The following MYO3A variants were observed in gnomAD, a reference collection of about 807,000 sequenced individuals.
The protein encoded by MYO3A is myosin-IIIa.
A neutral mutation model predicts 192.7 loss-of-function variants in MYO3A; 180 were observed. That is an observed-to-expected ratio of 0.93 (90% CI 0.83 to 1.06). The LOEUF (loss-of-function observed/expected upper bound fraction) is 1.06, where lower values mean the gene tolerates loss of function less well. MYO3A is among the 50% of genes least tolerant of loss of function. MYO3A has a pLI of 0.00. For synonymous variants in MYO3A, 628 were observed against 645.3 expected (o/e 0.97, Z 0.41); for missense variants, 1,896 against 1,905.0 (o/e 1.00, Z 0.09).
chr10:26,040,188 T>A (rs1393242916), intron 10 of MYO3A, among the ~76,000 whole-genome samples: 1 of 151,978 alleles, frequency 6.6e-6, no homozygotes, highest in East Asian at 1.9e-4. Flanking sequence ...TTTTTTTAAG[T>A]ACAGCTTGCT....
intron 17 of MYO3A, among the ~76,000 whole-genome samples, chr10:26,106,778 G>A (rs1181091817): frequency 6.6e-6 from 1 of 151,970 alleles, no homozygotes; most frequent in Non-Finnish European, 1.5e-5. Context: ...TTATTCTGTT[G>A]ATAGATTTCT....
At chr10:26,189,123 T>C (rs1366922835) in intron 31 of MYO3A, among the ~76,000 whole-genome samples, 1 of 152,206 alleles carries the variant, frequency 6.6e-6, no homozygotes, top group South Asian at 2.1e-4. Flanking sequence ...GAACATTTCA[T>C]GCTCATGGGT....
At chr10:25,986,827 A>C (rs2130830272) in intron 4 of MYO3A, among the ~76,000 whole-genome samples, 1 of 152,290 alleles carries the variant, frequency 6.6e-6, no homozygotes, top group East Asian at 1.9e-4. Context: ...CCATCAAAAT[A>C]CCACAATCAT....
At chr10:26,110,538 G>A (rs1399488337) in intron 17 of MYO3A, among the ~76,000 whole-genome samples, 1 of 152,170 alleles carries the variant, frequency 6.6e-6, no homozygotes, top group Non-Finnish European at 1.5e-5. Context: ...TTGTCAGGAT[G>A]TCTGGAATGA....
At chr10:26,051,737 G>A (rs188101082) in intron 10 of MYO3A, among the ~76,000 whole-genome samples, 10 of 151,992 alleles carry the variant, frequency 6.6e-5, no homozygotes, top group African/African-American at 2.4e-4. Context: ...AGCAGTTAAT[G>A]GCTCATAGGT....
intron 14 of MYO3A, among the ~76,000 whole-genome samples, chr10:26,070,779 T>A (rs191157493): frequency 5.1e-4 from 78 of 152,190 alleles, no homozygotes; most frequent in African/African-American, 1.8e-3. Flanking sequence ...AATGGTCAAT[T>A]GCAAATTGAA....
chr10:26,106,553 A>G (rs1015739476), intron 17 of MYO3A, among the ~76,000 whole-genome samples: 1 of 152,120 alleles, frequency 6.6e-6, no homozygotes, highest in East Asian at 1.9e-4. Context: ...TTAAGTAATA[A>G]TGATTATAGT....
chr10:26,055,776 G>A (rs1844278281), intron 10 of MYO3A, among the ~76,000 whole-genome samples: 1 of 152,198 alleles, frequency 6.6e-6, no homozygotes, highest in Non-Finnish European at 1.5e-5. Flanking sequence ...GGAGGAGACT[G>A]AGGCACTTGT....
At chr10:26,121,362 C>A (rs1838847886) in intron 18 of MYO3A, among the ~76,000 whole-genome samples, 1 of 151,998 alleles carries the variant, frequency 6.6e-6, no homozygotes, top group Admixed American at 6.6e-5. Context: ...CAGCTTTTTT[C>A]TATTTAGTGT....
chr10:26,120,549 G>A (rs1040416166), intron 17 of MYO3A, 127 bp from the exon 18 acceptor site: 24 of 1,243,488 alleles, frequency 1.9e-5, no homozygotes, highest in African/African-American at 1.0e-4. Context: ...TCAGTGTGGC[G>A]TCATCATAGT....
chr10:25,988,396 A>T (rs969838486), intron 4 of MYO3A, among the ~76,000 whole-genome samples: 5 of 152,268 alleles, frequency 3.3e-5, no homozygotes, highest in African/African-American at 4.8e-5. Context: ...TAAAATAAAA[A>T]AATAGAATGG....
At chr10:26,089,766 C>T (rs1836580573) in intron 15 of MYO3A, among the ~76,000 whole-genome samples, 1 of 152,086 alleles carries the variant, frequency 6.6e-6, no homozygotes, top group African/African-American at 2.4e-5. Flanking sequence ...TTTACTTAAC[C>T]TCTCTGCACC....
At chr10:26,202,352 G>C (rs1406996974) in intron 33 of MYO3A, among the ~76,000 whole-genome samples, 2 of 152,162 alleles carry the variant, frequency 1.3e-5, no homozygotes, top group Non-Finnish European at 2.9e-5. Context: ...TTATCTCTTA[G>C]GAAGTCCCAG....
intron 4 of MYO3A, among the ~76,000 whole-genome samples, chr10:25,981,885 A>C (rs1839350704): frequency 6.6e-6 from 1 of 152,202 alleles, no homozygotes; most frequent in Non-Finnish European, 1.5e-5. Context: ...ATATACCAGG[A>C]AATCTGAGAC....
intron 14 of MYO3A, 124 bp from the exon 15 acceptor site, chr10:26,088,079 T>C: frequency 1.3e-6 from 1 of 758,596 alleles, no homozygotes; most frequent in Non-Finnish European, 2.1e-6. Flanking sequence ...CATCTGCCAA[T>C]ATATCAGGAA....
At position 25,951,464 on chromosome 10, in the gene MYO3A, C is replaced by T. The variant is rs374656728; in HGVS notation, c.-17-630C>T. 2.7e-4 allele frequency among the ~76,000 whole-genome samples: 41 copies of T among 152,100 alleles called. 1 individual carries two copies. In the East Asian group the frequency reaches 7.1e-3, roughly 27 times the overall value. On this transcript the variant is annotated intron_variant, in intron 2 of 34. Transcript: ENST00000642920. Reference sequence around the variant, plus strand: ...TAGGTTTTGCAATTTAGCAAAGAAGCCACAGGCAGAGGGGGTCAGGAATAG... The same window carrying T: ...TAGGTTTTGCAATTTAGCAAAGAAGTCACAGGCAGAGGGGGTCAGGAATAG...
At chr10:25,993,968 T>C (rs966322814) in intron 4 of MYO3A, among the ~76,000 whole-genome samples, 1 of 152,134 alleles carries the variant, frequency 6.6e-6, no homozygotes, top group African/African-American at 2.4e-5. Flanking sequence ...GCGGTGTGGT[T>C]CTGAGAAGAA....
chr10:26,154,871 C>T, intron 25 of MYO3A, 48 bp downstream of exon 25: 1 of 1,488,188 alleles, frequency 6.7e-7, no homozygotes, highest in Non-Finnish European at 9.3e-7. Context: ...GCTATTTAGT[C>T]TAAATGAGTT....
In MYO3A at chr10:26,065,905, C is replaced by G. The variant is rs1834808081; in HGVS notation, c.954-1070C>G. 6.6e-5 allele frequency among the ~76,000 whole-genome samples: 3 copies of G among 45,132 alleles called. 1 individual carries two copies. The highest frequency in any genetic ancestry group is 5.3e-4 in the Admixed American group (3 of 5,634). The allele number at this position is 45,132 out of a possible 152,430, so 29.6% of individuals were successfully genotyped here. A position where few individuals can be genotyped will look rare whatever the true frequency, so the allele number is the denominator to read the frequency against. The stretch of plus-strand genomic sequence containing the variant: ...GGCCGAGACGGGCGGATCACGAGGT[C>G]AGGAGATCGAGACCATCCTGGCTAA... On this transcript the variant is annotated intron_variant, in intron 10 of 34. Transcript: ENST00000642920.
Sources: allele counts gnomAD v4.1 joint callset (sites outside exome capture counted in the v4.1 genomes callset), GRCh38; gene constraint gnomAD v4.1.1; transcripts MANE v1.5; gene names NCBI Gene and HGNC (gene_info 2026-07-23, HGNC 2026-07-21).